Variants in TBC1D22A observed in about 807,000 individuals in gnomAD.
TBC1D22A encodes TBC1 domain family member 22A, also known as putative GTPase activator.
In TBC1D22A, 38 loss-of-function variants were observed where a neutral mutation model predicts 60.2. The observed-to-expected ratio is 0.63, with a 90% confidence interval of 0.49 to 0.83. The LOEUF (loss-of-function observed/expected upper bound fraction) is 0.83. TBC1D22A is among the 40% of genes least tolerant of loss of function. The pLI, the probability that TBC1D22A is intolerant of heterozygous loss-of-function variation, is 0.00. For synonymous variants in TBC1D22A, 302 were observed against 281.7 expected, an observed-to-expected ratio of 1.07 and a Z score of -0.72; for missense variants, 628 against 701.0, an observed-to-expected ratio of 0.90 and a Z score of 1.18.
intron 12 of TBC1D22A, among the ~76,000 whole-genome samples, chr22:47,159,901 C>A (rs942797383): frequency 1.7e-5 from 2 of 116,840 alleles, no homozygotes; most frequent in Admixed American, 9.3e-5. Context: ...ACATCCTCCA[C>A]ACCACACACA....
intron 7 of TBC1D22A, among the ~76,000 whole-genome samples, chr22:46,897,287 G>T (rs2068727019): frequency 6.6e-6 from 1 of 152,114 alleles, no homozygotes; most frequent in Admixed American, 6.6e-5. Context: ...ACCCTCTAGA[G>T]GTTTCCCATC....
intron 7 of TBC1D22A, among the ~76,000 whole-genome samples, chr22:46,898,554 G>A (rs888563225): frequency 9.2e-5 from 14 of 151,852 alleles, no homozygotes; most frequent in African/African-American, 2.9e-4. Context: ...AACCTAAAAC[G>A]ACATAGACAA....
intron 4 of TBC1D22A, among the ~76,000 whole-genome samples, chr22:46,842,373 G>C (rs748730679): frequency 1.6e-4 from 25 of 152,188 alleles, no homozygotes; most frequent in Non-Finnish European, 3.2e-4. Flanking sequence ...TTTCAAACAT[G>C]GAGAAAAGCT....
Position 47,173,667 on chromosome 22 carries a change from C to T in TBC1D22A, c.*41C>T, listed in dbSNP as rs371167914. 2.8e-4 allele frequency: 445 copies of T among 1,607,448 alleles called. 3 individuals carry two copies. In the East Asian group the frequency reaches 4.1e-3, roughly 15 times the overall value. On this transcript the variant is annotated 3_prime_UTR_variant, in exon 13 of 13. Transcript: ENST00000337137. ...CAGCTGGCCTCACTGTCCCGGGTGGCGCGCCCCACCTGCCTGGCTGGTGGT... is the reference window on the plus strand; with the variant it reads ...CAGCTGGCCTCACTGTCCCGGGTGGTGCGCCCCACCTGCCTGGCTGGTGGT...
intron 12 of TBC1D22A, among the ~76,000 whole-genome samples, chr22:47,158,955 T>C (rs1021401860): frequency 6.6e-6 from 1 of 151,168 alleles, no homozygotes; most frequent in African/African-American, 2.4e-5. Context: ...ACACACACCA[T>C]GTATACACAG....
chr22:46,892,504 C>T (rs1322770540), intron 6 of TBC1D22A, among the ~76,000 whole-genome samples: 1 of 152,194 alleles, frequency 6.6e-6, no homozygotes. Context: ...GTGTTGCCTT[C>T]TGTCTCTCAT....
intron 4 of TBC1D22A, among the ~76,000 whole-genome samples, chr22:46,862,359 A>G (rs1012583650): frequency 5.3e-5 from 8 of 151,896 alleles, no homozygotes; most frequent in Non-Finnish European, 1.2e-4. Context: ...GAGAGGCTTG[A>G]ATGGTTGCAG....
intron 11 of TBC1D22A, among the ~76,000 whole-genome samples, chr22:47,109,641 A>G (rs1413522571): frequency 1.1e-4 from 16 of 152,094 alleles, no homozygotes; most frequent in Admixed American, 1.3e-4. Context: ...TCCCACCAAA[A>G]CAGTCTCCTA....
At chr22:47,017,217 A>G (rs1401234175) in intron 10 of TBC1D22A, among the ~76,000 whole-genome samples, 1 of 152,202 alleles carries the variant, frequency 6.6e-6, no homozygotes, top group Non-Finnish European at 1.5e-5. Flanking sequence ...AGGCAGTAAT[A>G]GAGTTGCTCT....
At chr22:47,091,288 G>A (rs1357499300) in intron 11 of TBC1D22A, among the ~76,000 whole-genome samples, 3 of 127,676 alleles carry the variant, frequency 2.3e-5, no homozygotes, top group Admixed American at 1.6e-4. Flanking sequence ...ATAGAGACAG[G>A]CACGAGAAGT....
intron 2 of TBC1D22A, 102 bp downstream of exon 2, chr22:46,792,678 G>A: frequency 6.2e-7 from 1 of 1,608,384 alleles, no homozygotes; most frequent in Non-Finnish European, 8.5e-7. Flanking sequence ...GCATTCCTCA[G>A]GGAGGAGACT....
At chr22:46,762,894 C>T (rs753115431) in intron 1 of TBC1D22A, 46 bp downstream of exon 1, 3 of 1,463,292 alleles carry the variant, frequency 2.1e-6, no homozygotes, top group East Asian at 6.0e-5. Context: ...GGTCAGAGGT[C>T]AGGTGGCCGC....
intron 4 of TBC1D22A, among the ~76,000 whole-genome samples, chr22:46,798,704 C>G (rs1030927803): frequency 3.4e-4 from 52 of 152,250 alleles, no homozygotes; most frequent in African/African-American, 1.3e-3. Flanking sequence ...GGGGACAAAC[C>G]TGTATCACAC....
At chr22:47,077,502 T>G (rs1314201772) in intron 11 of TBC1D22A, among the ~76,000 whole-genome samples, 2 of 152,240 alleles carry the variant, frequency 1.3e-5, no homozygotes, top group Non-Finnish European at 2.9e-5. Flanking sequence ...GGTTTCTTAT[T>G]GCTTCGGTTC....
At chr22:46,800,495 C>T (rs1184553245) in intron 4 of TBC1D22A, among the ~76,000 whole-genome samples, 1 of 152,192 alleles carries the variant, frequency 6.6e-6, no homozygotes. Flanking sequence ...TTCAGAACCA[C>T]GTTGCACCTG....
chr22:46,821,890 G>T (rs186918220), intron 4 of TBC1D22A, among the ~76,000 whole-genome samples: 104 of 151,936 alleles, frequency 6.8e-4, no homozygotes, highest in African/African-American at 2.2e-3. Context: ...TCGTAGGTTC[G>T]GTCATTTTAT....
intron 4 of TBC1D22A, among the ~76,000 whole-genome samples, chr22:46,815,339 C>T (rs942066084): frequency 1.3e-5 from 2 of 152,154 alleles, no homozygotes; most frequent in African/African-American, 2.4e-5. Flanking sequence ...GTTTGATAGC[C>T]GCTGTTGACT....
At chr22:46,847,923 GTGTGT>G (rs1569125350) in intron 4 of TBC1D22A, among the ~76,000 whole-genome samples, 1 of 71,182 alleles carries the variant, frequency 1.4e-5, no homozygotes, top group Non-Finnish European at 3.2e-5. Flanking sequence ...TAGTGGGTGT[GTGTGT>G]GTGTGTGTGT....
intron 4 of TBC1D22A, among the ~76,000 whole-genome samples, chr22:46,814,937 G>C (rs1240722852): frequency 6.6e-6 from 1 of 152,076 alleles, no homozygotes; most frequent in African/African-American, 2.4e-5. Flanking sequence ...ACAGGTGTGA[G>C]CCACCATGCC....
Sources: allele counts gnomAD v4.1 joint callset (sites outside exome capture counted in the v4.1 genomes callset), GRCh38; gene constraint gnomAD v4.1.1; transcripts MANE v1.5; gene names NCBI Gene and HGNC (gene_info 2026-07-23, HGNC 2026-07-21).